Variants in ALAS2 observed in about 807,000 individuals in gnomAD.
ALAS2 encodes the protein 5-aminolevulinate synthase, erythroid-specific, mitochondrial.
A neutral mutation model predicts 33.7 loss-of-function variants in ALAS2; 3 were observed. The observed-to-expected ratio is 0.09, with a 90% CI of 0.04 to 0.23. The LOEUF (loss-of-function observed/expected upper bound fraction) is 0.23. Ranked by LOEUF, ALAS2 falls within the 10% of genes least tolerant of loss-of-function variation. The pLI is 1.00. For missense variants in ALAS2, 304 were observed against 475.1 expected, an observed-to-expected ratio of 0.64 and a Z score of 3.35; for synonymous variants, 191 against 177.3, an observed-to-expected ratio of 1.08 and a Z score of -0.61.
intron 3 of ALAS2, among the ~76,000 whole-genome samples, 170 bp from the exon 4 acceptor site, chrX:55,024,037 C>A (rs768270160): frequency 8.9e-6 from 1 of 111,785 alleles, no homozygotes; most frequent in Non-Finnish European, 1.9e-5. Flanking sequence ...TTTATCCCCC[C>A]GAATGGAGAC....
chrX:55,015,953 G>GTCTC (rs931139027), intron 7 of ALAS2, among the ~76,000 whole-genome samples: 7 of 84,021 alleles, frequency 8.3e-5, no homozygotes, highest in African/African-American at 3.0e-4. Context: ...CTCTCTCTCT[G>GTCTC]TCTCTCTGTG....
chrX:55,025,739 A>C (rs1052143058), intron 2 of ALAS2, 81 bp downstream of exon 2: 58 of 1,001,700 alleles, frequency 5.8e-5, no homozygotes, highest in Non-Finnish European at 8.2e-5. Context: ...CCTAATTATT[A>C]GGCAAAGATG....
chrX:55,013,778 AG>A lies in ALAS2; in HGVS notation c.1438-131del. On this transcript the variant is annotated intron_variant, in intron 9 of 10. Transcript: ENST00000650242. ...TTGGGATAGATTTTTTTTTTCCATT[AG>A]GGGCTTAGTGGCAGCTCCAGAATTT... The A allele has an allele frequency of 5.2e-6, 4 of 772,747 alleles. No homozygotes were observed. In the South Asian group the frequency reaches 9.2e-5, roughly 18 times the overall value. The allele number at this position is 772,747 out of a possible 1,213,427, so 63.7% of individuals were successfully genotyped here.
chrX:55,025,327 GTTTCT>G (rs763869257), intron 2 of ALAS2, among the ~76,000 whole-genome samples: 148 of 111,207 alleles, frequency 1.3e-3, no homozygotes, highest in African/African-American at 3.8e-3. Context: ...CAGTGAGACT[GTTTCT>G]TTTCTTTTCT....
intron 10 of ALAS2, among the ~76,000 whole-genome samples, chrX:55,012,728 G>C (rs1356581523): frequency 8.9e-6 from 1 of 112,398 alleles, no homozygotes; most frequent in Admixed American, 9.3e-5. Flanking sequence ...GGGAGGCAGA[G>C]GTAGCAGTGA....
chrX:55,013,681 C>T, intron 9 of ALAS2, 33 bp from the exon 10 acceptor site: 4 of 1,204,810 alleles, frequency 3.3e-6, no homozygotes, highest in Non-Finnish European at 3.4e-6. Flanking sequence ...TCAGTACCTG[C>T]CACTCTGGCT....
At position 55,014,873 on chromosome X, in the gene ALAS2, C is replaced by T. The variant is rs1935673202; in HGVS notation, c.1311G>A (p.Leu437=). 3 of 1,205,966 alleles carry T rather than the reference C, an allele frequency of 2.5e-6. No individual in the cohort carries two copies. In the South Asian group the frequency reaches 5.4e-5, roughly 22 times the overall value. Residue 437 remains leucine, a synonymous_variant, in exon 9 of 11, where the codon CTG becomes CTA. Transcript: ENST00000650242. ...VLSGALESVR[L]LKGEEGQALR... is the part of the protein sequence containing the mutation. ...GGGCTTGGCCCTCCTCTCCCTTGAGCAGCCGCACAGATTCTAGAGCTCCAG... is the reference window on the plus strand; with the variant it reads ...GGGCTTGGCCCTCCTCTCCCTTGAGTAGCCGCACAGATTCTAGAGCTCCAG...
chrX:55,013,530 G>A lies in ALAS2; in HGVS notation c.1556C>T (p.Ala519Val). ...VPRGEELLRL[A>V]PSPHHSPQMM... ...CTGAGGGCTGTGGTGGGGGGAGGGT[G>A]CCAAGCGCAGGAGCTCTTCACCCCG... The change falls in exon 10 of 11, where the codon GCA becomes GTA. Residue 519 changes from alanine (A) to valine (V), a missense_variant. Ala to Val is a moderately conservative substitution (Grantham distance 64, BLOSUM62 0). Coordinates refer to ENST00000650242, the MANE Select transcript of ALAS2 (RefSeq NM_000032.5). 1.7e-6 allele frequency: 2 copies of A among 1,211,440 alleles called. No individual in the cohort carries two copies. The highest frequency in any genetic ancestry group is 2.2e-6 in the Non-Finnish European group (2 of 895,353).
At chrX:55,013,163 C>T (rs1935631485) in intron 10 of ALAS2, among the ~76,000 whole-genome samples, 1 of 111,711 alleles carries the variant, frequency 9.0e-6, no homozygotes, top group Admixed American at 9.5e-5. Flanking sequence ...GTCACCTCTA[C>T]TAGGAAGTGG....
intron 6 of ALAS2, 50 bp downstream of exon 6, chrX:55,020,270 G>A (rs767796284): frequency 9.6e-5 from 108 of 1,128,484 alleles, no homozygotes; most frequent in Non-Finnish European, 1.2e-4. Flanking sequence ...GAAACTGGAT[G>A]CTGTATTGCA....
At chrX:55,015,106 C>T in intron 8 of ALAS2, 91 bp from the exon 9 acceptor site, 1 of 1,030,159 alleles carries the variant, frequency 9.7e-7, no homozygotes, top group Admixed American at 2.9e-5. Context: ...GGGGGTGCAC[C>T]AGAAGTTGGG....
chrX:55,012,186 C>T (rs1172927264), intron 10 of ALAS2, among the ~76,000 whole-genome samples: 1 of 112,088 alleles, frequency 8.9e-6, no homozygotes, highest in African/African-American at 3.2e-5. Flanking sequence ...CAATACATAC[C>T]CACTGCTTTC....
intron 4 of ALAS2, among the ~76,000 whole-genome samples, 168 bp downstream of exon 4, chrX:55,023,589 T>C (rs758403052): frequency 1.4e-4 from 16 of 111,491 alleles, no homozygotes; most frequent in Non-Finnish European, 3.0e-4. Context: ...AAGGAAAGTG[T>C]CTTACTTGCC....
chrX:55,017,512 G>A lies in ALAS2; in HGVS notation c.977C>T (p.Ala326Val). The change falls in exon 7 of 11, where the codon GCC becomes GTC. Residue 326 changes from alanine to valine, a missense_variant. Coordinates refer to ENST00000650242, the MANE Select transcript of ALAS2 (RefSeq NM_000032.5). ...KSNPKIPKIV[A>V]FETVHSMDGA... ...ATCCATGGAGTGGACAGTCTCAAAG[G>A]CCACAATTTTGGGTATCTTAGGGTT... 8.3e-7 allele frequency: 1 copy of A among 1,210,661 alleles called. No homozygotes were observed.
Position 55,025,830 on chromosome X carries a change from C to A in ALAS2, c.171G>T (p.Lys57Asn). ...GCAGCCTCTTCTTACCTCCTCCAGC[C>A]TTTGTTGCCTTAAGGTGGATTTGAG... Reference protein sequence around the residue: ...NCSQIHLKATKAGGDSPSWAK... With the variant: ...NCSQIHLKATNAGGDSPSWAK... The change falls in exon 2 of 11, where the codon AAG becomes AAT. Residue 57 changes from lysine (K) to asparagine (N), a missense_variant. Transcript: ENST00000650242. 8.3e-7 allele frequency: 1 copy of A among 1,211,705 alleles called. No homozygotes were observed.
At chrX:55,018,975 T>C (rs748349022) in intron 6 of ALAS2, among the ~76,000 whole-genome samples, 74 of 110,650 alleles carry the variant, frequency 6.7e-4, no homozygotes, top group Admixed American at 1.2e-3. Flanking sequence ...TGAGTTTAGT[T>C]GGGGCTTATG....
chrX:55,020,207 G>A (rs1935777081), intron 6 of ALAS2, 113 bp downstream of exon 6: 1 of 756,824 alleles, frequency 1.3e-6, no homozygotes, highest in African/African-American at 2.1e-5. Context: ...TAAGAAGGAA[G>A]AACAATGGGA....
At position 55,024,779 on chromosome X, in the gene ALAS2, C is replaced by T. The variant is rs1935863235; in HGVS notation, c.243G>A (p.Lys81=). The T allele has an allele frequency of 1.7e-6, 2 of 1,211,736 alleles. No homozygotes were observed. Among genetic ancestry groups the T allele is most frequent in the African/African-American group, 3.5e-5 (2 of 57,884 alleles). Residue 81 remains lysine (K), a synonymous_variant, in exon 3 of 11, where the codon AAG becomes AAA. Coordinates refer to ENST00000650242, the MANE Select transcript of ALAS2 (RefSeq NM_000032.5). ...GGGCTGCCTTCTGCACAATCTTGCTCTTCCCATCCTGGAGTTCCGACAGCA... is the reference window on the plus strand; with the variant it reads ...GGGCTGCCTTCTGCACAATCTTGCTTTTCCCATCCTGGAGTTCCGACAGCA... ...PFMLSELQDG[K]SKIVQKAAPE...
chrX:55,015,488 C>T, intron 8 of ALAS2, 90 bp downstream of exon 8: 1 of 1,073,722 alleles, frequency 9.3e-7, no homozygotes. Flanking sequence ...GTCCAAACAA[C>T]CCCTATAGCT....
Sources: allele counts gnomAD v4.1 joint callset (sites outside exome capture counted in the v4.1 genomes callset), GRCh38; gene constraint gnomAD v4.1.1; transcripts MANE v1.5; gene names NCBI Gene and HGNC (gene_info 2026-07-23, HGNC 2026-07-21).